SLC25A12: variants seen among roughly 807,000 people sequenced by gnomAD.
SLC25A12 encodes the protein electrogenic aspartate/glutamate antiporter SLC25A12, mitochondrial.
In SLC25A12, 32 loss-of-function variants were observed where a neutral mutation model predicts 83.3. The ratio of observed to expected loss-of-function variants is 0.38; its 90% CI spans 0.29 to 0.52. The LOEUF is 0.52. Ranked by LOEUF, SLC25A12 falls within the 20% of genes least tolerant of loss-of-function variation. SLC25A12 has a pLI of 0.84. For missense variants in SLC25A12, 611 were observed against 835.6 expected (o/e 0.73, Z 3.31); for synonymous variants, 267 against 291.1 (o/e 0.92, Z 0.84).
At chr2:171,809,306 T>A in intron 13 of SLC25A12, 2 of 369,532 alleles carry the variant, frequency 5.4e-6, no homozygotes, top group South Asian at 5.2e-5. Context: ...GTTGAACTAA[T>A]TCACACTCCC....
At chr2:171,826,982 G>T in intron 8 of SLC25A12, 100 bp from the exon 9 acceptor site, 1 of 731,336 alleles carries the variant, frequency 1.4e-6, no homozygotes, top group Non-Finnish European at 2.5e-6. Context: ...GTGAACTATA[G>T]TTTAAAATCA....
At chr2:171,831,614 G>A (rs915979755) in intron 8 of SLC25A12, among the ~76,000 whole-genome samples, 1 of 152,054 alleles carries the variant, frequency 6.6e-6, no homozygotes, top group Non-Finnish European at 1.5e-5. Context: ...GGTTCATAAA[G>A]TGGGAAAGAG....
At chr2:171,789,409 T>C (rs1690554101) in intron 15 of SLC25A12, among the ~76,000 whole-genome samples, 1 of 152,108 alleles carries the variant, frequency 6.6e-6, no homozygotes, top group Admixed American at 6.5e-5. Flanking sequence ...TTTGTATTTT[T>C]AGTAGAGACG....
intron 9 of SLC25A12, among the ~76,000 whole-genome samples, chr2:171,817,591 A>C (rs1684079623): frequency 1.1e-5 from 1 of 87,098 alleles, no homozygotes; most frequent in South Asian, 4.6e-4. Flanking sequence ...ACAGAGCAAG[A>C]CTCTGCCTCA....
intron 15 of SLC25A12, chr2:171,788,734 A>G (rs1490781574): frequency 6.6e-5 from 10 of 152,456 alleles, no homozygotes. Flanking sequence ...ATATCACTGT[A>G]TCCTCACTAG....
intron 13 of SLC25A12, 126 bp from the exon 14 acceptor site, chr2:171,793,893 C>T: frequency 1.9e-6 from 2 of 1,075,890 alleles, no homozygotes; most frequent in Non-Finnish European, 2.8e-6. Context: ...AACTTCCTTC[C>T]TCAGGGGGGA....
chr2:171,878,661 C>G (rs1475322893), intron 2 of SLC25A12, among the ~76,000 whole-genome samples: 3 of 152,096 alleles, frequency 2.0e-5, no homozygotes, highest in Non-Finnish European at 2.9e-5. Context: ...TTACTTTGTT[C>G]CAACTGAGAT....
Position 171,812,799 on chromosome 2 carries a change from C to CTT in SLC25A12, c.1171+538_1171+539dup, listed in dbSNP as rs5836353. On this transcript the variant is annotated intron_variant, in intron 11 of 17. Coordinates refer to ENST00000422440, the MANE Select transcript of SLC25A12 (RefSeq NM_003705.5). Reference sequence around the variant, plus strand: ...TTAGACTTGGAACCAAAGGGTTTTCCTTTTTTTTTTTTTTTTTAAACCTTC... The same window carrying CTT: ...TTAGACTTGGAACCAAAGGGTTTTCCTTTTTTTTTTTTTTTTTTTAAACCTTC... 7.1e-3 allele frequency among the ~76,000 whole-genome samples: 1,017 copies of CTT among 143,162 alleles called. 6 individuals carry two copies. Among genetic ancestry groups the CTT allele is most frequent in the African/African-American group, 0.011 (417 of 38,828 alleles). The allele number at this position is 143,162 out of a possible 152,430, so 93.9% of individuals were successfully genotyped here. A position where few individuals can be genotyped will look rare whatever the true frequency, so the allele number is the denominator to read the frequency against.
At chr2:171,886,230 C>CT (rs11428637) in intron 2 of SLC25A12, among the ~76,000 whole-genome samples, 40,551 of 122,522 alleles carry the variant, frequency 0.33, 8,034 homozygotes, top group East Asian at 0.71. Context: ...AATATAATAG[C>CT]TTTTTTTTTT....
chr2:171,786,890 T>C (rs1351469310), intron 17 of SLC25A12, among the ~76,000 whole-genome samples: 1 of 152,218 alleles, frequency 6.6e-6, no homozygotes, highest in Non-Finnish European at 1.5e-5. Context: ...GCAAAAGGGC[T>C]TGGGACTTTG....
At chr2:171,866,849 G>A (rs555333387) in intron 3 of SLC25A12, among the ~76,000 whole-genome samples, 3 of 149,064 alleles carry the variant, frequency 2.0e-5, no homozygotes, top group South Asian at 4.3e-4. Flanking sequence ...GGTGGCTGCC[G>A]GGCGGAGACG....
At chr2:171,793,829 A>C in intron 13 of SLC25A12, 62 bp from the exon 14 acceptor site, 1 of 1,597,220 alleles carries the variant, frequency 6.3e-7, no homozygotes, top group Non-Finnish European at 8.6e-7. Flanking sequence ...CAGCGTAAAA[A>C]AGGAAAATCC....
At chr2:171,865,671 T>C (rs1573993339) in intron 3 of SLC25A12, among the ~76,000 whole-genome samples, 1 of 151,186 alleles carries the variant, frequency 6.6e-6, no homozygotes, top group East Asian at 1.9e-4. Flanking sequence ...AAAAAATATA[T>C]ATATTATATA....
At chr2:171,877,587 C>T (rs1189354073) in intron 2 of SLC25A12, among the ~76,000 whole-genome samples, 3 of 151,182 alleles carry the variant, frequency 2.0e-5, no homozygotes, top group Non-Finnish European at 4.4e-5. Context: ...ATCACTTGAA[C>T]CCAGGAGGCG....
chr2:171,836,983 CA>C, intron 6 of SLC25A12, 137 bp downstream of exon 6: 1 of 767,828 alleles, frequency 1.3e-6, no homozygotes, highest in South Asian at 1.6e-5. Context: ...CACACACACA[CA>C]AACCTGTTTA....
intron 13 of SLC25A12, among the ~76,000 whole-genome samples, chr2:171,801,103 C>A (rs545547282): frequency 1.2e-3 from 185 of 152,088 alleles, no homozygotes; most frequent in African/African-American, 4.3e-3. Context: ...ACCTAAAAAA[C>A]CAAATATGTA....
chr2:171,845,631 T>C (rs1684780322), intron 4 of SLC25A12: 1 of 207,330 alleles, frequency 4.8e-6, no homozygotes, highest in Admixed American at 5.6e-5. Flanking sequence ...AATGGTTTAA[T>C]GGATTCCCTT....
intron 8 of SLC25A12, 82 bp downstream of exon 8, chr2:171,833,881 G>T: frequency 1.2e-6 from 1 of 830,698 alleles, no homozygotes; most frequent in South Asian, 1.4e-5. Context: ...ACTCATGTTA[G>T]AATGAACTAA....
In SLC25A12 at chr2:171,787,598, C is replaced by G. The variant is rs375819100; in HGVS notation, c.1808G>C (p.Arg603Pro). 1.2e-6 allele frequency: 2 copies of G among 1,614,050 alleles called. No homozygotes were observed. Among genetic ancestry groups the G allele is most frequent in the Non-Finnish European group, 1.7e-6 (2 of 1,179,948 alleles). ...VTLVTYELLQRWFYIDFGGLK... is the reference protein window; with the variant it reads ...VTLVTYELLQPWFYIDFGGLK... ...GCCTCCAAAATCAATGTAAAACCAC[C>G]GCTGGAGAAGTTCATAAGTGACCAA... The change falls in exon 17 of 18, where the codon CGG becomes CCG. Residue 603 changes from arginine (R) to proline (P), a missense_variant. Coordinates refer to ENST00000422440, the MANE Select transcript of SLC25A12 (RefSeq NM_003705.5).
Sources: gnomAD v4.1 joint callset for allele counts (sites outside exome capture counted in the v4.1 genomes callset) on GRCh38, gnomAD v4.1.1 for gene constraint, MANE v1.5 for transcripts, NCBI Gene and HGNC (gene_info 2026-07-23, HGNC 2026-07-21) for gene names.